PLEKHG5: variants seen among roughly 807,000 people sequenced by gnomAD.
The protein encoded by PLEKHG5 is pleckstrin homology and RhoGEF domain containing G5.
Under a neutral mutation model 103.8 loss-of-function variants are expected in PLEKHG5, and 52 were observed. That is an observed-to-expected ratio of 0.50 (90% CI 0.40 to 0.63). The LOEUF (loss-of-function observed/expected upper bound fraction) is 0.63, where lower values mean the gene tolerates loss of function less well. Ranked by LOEUF, PLEKHG5 falls within the 30% of genes least tolerant of loss-of-function variation. The pLI is 0.00. For missense variants in PLEKHG5, 1,205 were observed against 1,347.6 expected, an observed-to-expected ratio of 0.89 and a Z score of 1.66; for synonymous variants, 592 against 575.5, an observed-to-expected ratio of 1.03 and a Z score of -0.41.
chr1:6,512,191 C>T (rs187909520), intron 1 of PLEKHG5, among the ~76,000 whole-genome samples: 37 of 152,278 alleles, frequency 2.4e-4, no homozygotes, highest in African/African-American at 8.2e-4. Flanking sequence ...TGGGTGCTGC[C>T]GCAGGGTCTG....
chr1:6,476,236 G>T (rs927599938), intron 2 of PLEKHG5, among the ~76,000 whole-genome samples, 200 bp from the exon 3 acceptor site: 1 of 152,236 alleles, frequency 6.6e-6, no homozygotes, highest in Non-Finnish European at 1.5e-5. Context: ...TGTCACCCAG[G>T]CTGGAGTGCA....
chr1:6,497,147 G>T (rs1201216492), upstream of PLEKHG5: 6 of 1,052,982 alleles, frequency 5.7e-6, no homozygotes, highest in Admixed American at 4.1e-5. This position sits in a 1 kb window ranked among gnomAD's most constrained non-coding sequence, Gnocchi z 6.1. Context: ...AGGAGAAGCG[G>T]GGTGCTGCCG....
chr1:6,479,802 G>A (rs1439196127), intron 1 of PLEKHG5, among the ~76,000 whole-genome samples: 2 of 152,098 alleles, frequency 1.3e-5, no homozygotes, highest in Non-Finnish European at 2.9e-5. Context: ...AGTAGTGACA[G>A]ATCTCACTAT....
Position 6,491,533 on chromosome 1 carries a change from G to T in PLEKHG5, c.-88+104C>A. The T allele has an allele frequency of 2.2e-6, 1 of 445,930 alleles. No homozygotes were observed. Among genetic ancestry groups the T allele is most frequent in the South Asian group, 9.5e-5 (1 of 10,558 alleles). The allele number at this position is 445,930 out of a possible 1,614,324, so 27.6% of individuals were successfully genotyped here. ...TCTCTCCGGGGACCAGTCACTTCCA[G>T]AGATGGCCCAAACCTGGCCATTCCC... On this transcript the variant is annotated intron_variant, in intron 1 of 20. Coordinates refer to ENST00000377728, the MANE Select transcript of PLEKHG5 (RefSeq NM_020631.6). The surrounding 1 kb of genome is among the most constrained non-coding windows in gnomAD (Gnocchi z 4.1).
chr1:6,474,723 A>C (rs553611404), intron 5 of PLEKHG5, 136 bp from the exon 6 acceptor site: 1 of 777,990 alleles, frequency 1.3e-6, no homozygotes, highest in Admixed American at 2.3e-5. Flanking sequence ...GGAAGCCCGC[A>C]TGGGATCACA....
chr1:6,518,412 G>T (rs12137494), intron 1 of PLEKHG5, among the ~76,000 whole-genome samples: 124,906 of 150,672 alleles, frequency 0.83, 52,498 homozygotes, highest in Non-Finnish European at 0.89. Flanking sequence ...ACCACAAAAT[G>T]AGCCGGGCTT....
chr1:6,506,656 G>A (rs1024195846), intron 1 of PLEKHG5, among the ~76,000 whole-genome samples: 4 of 152,330 alleles, frequency 2.6e-5, no homozygotes, highest in East Asian at 1.9e-4. Context: ...TGGGGACGCC[G>A]TGGGCTGCCC....
In PLEKHG5 at chr1:6,490,293, G is replaced by A. The variant is rs971250348; in HGVS notation, c.-88+1344C>T. On this transcript the variant is annotated intron_variant, in intron 1 of 20. Coordinates refer to ENST00000377728, the MANE Select transcript of PLEKHG5 (RefSeq NM_020631.6). The surrounding 1 kb of genome is among the most constrained non-coding windows in gnomAD (Gnocchi z 8.0). Reference sequence around the variant, plus strand: ...GAACCCATTCCACCCTCACGTAAATGGAGATACAGCTGGTGAGGACCCTGT... The same window carrying A: ...GAACCCATTCCACCCTCACGTAAATAGAGATACAGCTGGTGAGGACCCTGT... Among the ~76,000 whole-genome samples, 3 of 152,126 alleles carry A rather than the reference G, an allele frequency of 2.0e-5. No homozygotes were observed. The highest frequency in any genetic ancestry group is 4.8e-5 in the African/African-American group (2 of 41,408).
At chr1:6,493,341 G>A (rs72861545), upstream of PLEKHG5, among the ~76,000 whole-genome samples, 11,020 of 152,206 alleles carry the variant, frequency 0.072, 523 homozygotes, top group East Asian at 0.24. Context: ...GCCTGGCACC[G>A]ACAGATGCTC....
In PLEKHG5 at chr1:6,490,774, G is replaced by A. The variant is rs370463926; in HGVS notation, c.-88+863C>T. Among the ~76,000 whole-genome samples the A allele has an allele frequency of 9.2e-5, 14 of 152,284 alleles. No individual in the cohort carries two copies. In the East Asian group the frequency reaches 9.7e-4, roughly 11 times the overall value. On this transcript the variant is annotated intron_variant, in intron 1 of 20. Coordinates refer to ENST00000377728, the MANE Select transcript of PLEKHG5 (RefSeq NM_020631.6). This position sits in a 1 kb window ranked among gnomAD's most constrained non-coding sequence, Gnocchi z 8.0. ...TAATCCAGGATCCGGGCTCAGGGGAGGGGGTGGGGGGCGTCACTGTCCCCG... is the reference window on the plus strand; with the variant it reads ...TAATCCAGGATCCGGGCTCAGGGGAAGGGGTGGGGGGCGTCACTGTCCCCG...
At chr1:6,485,995 G>C (rs1645029205) in intron 1 of PLEKHG5, 1 of 737,894 alleles carries the variant, frequency 1.4e-6, no homozygotes, top group South Asian at 6.2e-5. Context: ...CCACCTTGGA[G>C]ACTGTGGAGC....
chr1:6,473,241 G>T lies in PLEKHG5; in HGVS notation c.795+10C>A. ...CAGCTGCCTGACCCTGGGCAGATGG[G>T]GCCACATACCCGGCCAAAGGCGCTG... On this transcript the variant is annotated intron_variant, in intron 8 of 20. Transcript: ENST00000377728. 6.2e-7 allele frequency: 1 copy of T among 1,612,454 alleles called. No homozygotes were observed. The highest frequency in any genetic ancestry group is 8.5e-7 in the Non-Finnish European group (1 of 1,179,608).
intron 2 of PLEKHG5, 35 bp from the exon 3 acceptor site, chr1:6,476,071 C>G (rs374742834): frequency 1.3e-6 from 2 of 1,569,390 alleles, no homozygotes; most frequent in South Asian, 1.1e-5. Flanking sequence ...GTGCCTCCCC[C>G]GCCCCTCCTT....
chr1:6,509,604 G>A (rs1378739641), intron 1 of PLEKHG5, among the ~76,000 whole-genome samples: 1 of 152,188 alleles, frequency 6.6e-6, no homozygotes, highest in Non-Finnish European at 1.5e-5. Flanking sequence ...ACAGGCTGGG[G>A]GCTCCACGGG....
intron 1 of PLEKHG5, among the ~76,000 whole-genome samples, chr1:6,508,281 CT>C (rs1387203182): frequency 6.6e-6 from 1 of 152,212 alleles, no homozygotes; most frequent in Non-Finnish European, 1.5e-5. Flanking sequence ...GGGCTCCACC[CT>C]CCATCCTGAC....
chr1:6,475,388 G>A, intron 4 of PLEKHG5, 74 bp downstream of exon 4: 2 of 1,335,908 alleles, frequency 1.5e-6, no homozygotes, highest in Non-Finnish European at 2.2e-6. Context: ...CCCCATCCCG[G>A]AGGAAGGCCC....
At chr1:6,475,777 C>T (rs1351071432) in intron 3 of PLEKHG5, among the ~76,000 whole-genome samples, 154 bp downstream of exon 3, 1 of 152,260 alleles carries the variant, frequency 6.6e-6, no homozygotes, top group Non-Finnish European at 1.5e-5. Flanking sequence ...TGGGTGGCCT[C>T]TTCCCGGAGT....
In PLEKHG5 at chr1:6,471,619, A is replaced by G. The variant is rs1160067710; in HGVS notation, c.1150T>C (p.Phe384Leu). 3.8e-6 allele frequency: 6 copies of G among 1,591,222 alleles called. No individual in the cohort carries two copies. The Admixed American group carries it at 7.1e-5, about 19-fold the overall frequency. Residue 384 changes from phenylalanine (F) to leucine (L), a missense_variant, in exon 12 of 21, where the codon TTC becomes CTC. Physicochemically the swap from Phe to Leu is conservative, Grantham distance 22 (BLOSUM62 0). Transcript: ENST00000377728. ...TGCGCGATCTCCGGGATGTTGCTGA[A>G]CAGGCGCTCCGCCTCCACCTGGGCG... ...LLCEVEAERL[F>L]SNIPEIAQLH...
intron 2 of PLEKHG5, 47 bp downstream of exon 2, chr1:6,477,482 G>A: frequency 6.3e-7 from 1 of 1,599,932 alleles, no homozygotes; most frequent in East Asian, 2.2e-5. Context: ...CTGAAACACT[G>A]ACACAGGAGC....
Sources: allele counts gnomAD v4.1 joint callset (sites outside exome capture counted in the v4.1 genomes callset), GRCh38; gene constraint gnomAD v4.1.1; non-coding constraint Gnocchi (gnomAD v3.1); transcripts MANE v1.5; gene names NCBI Gene and HGNC (gene_info 2026-07-23, HGNC 2026-07-21).